Variants in TENM3 observed in about 807,000 individuals in gnomAD.
TENM3 encodes teneurin transmembrane protein 3.
In TENM3, 63 loss-of-function variants were observed where a neutral mutation model predicts 255.1. The observed-to-expected ratio is 0.25, with a 90% CI of 0.20 to 0.30. The LOEUF is 0.30. Ranked by LOEUF, TENM3 falls within the 10% of genes least tolerant of loss-of-function variation. TENM3 has a pLI of 1.00. For synonymous variants in TENM3, 1,306 were observed against 1,322.3 expected (o/e 0.99, Z 0.27); for missense variants, 2,929 against 3,461.1 (o/e 0.85, Z 3.86).
At chr4:182,442,438 G>A (rs1772558176) in intron 3 of TENM3, among the ~76,000 whole-genome samples, 1 of 152,132 alleles carries the variant, frequency 6.6e-6, no homozygotes, top group African/African-American at 2.4e-5. Context: ...CACGGCTATT[G>A]CCACTATAGA....
chr4:182,748,429 C>T (rs1376790521), intron 19 of TENM3, among the ~76,000 whole-genome samples: 1 of 152,114 alleles, frequency 6.6e-6, no homozygotes, highest in East Asian at 1.9e-4. Context: ...AGATTACTGA[C>T]CTAAAAATTC....
chr4:181,801,324 A>C, the TENM3 span, among the ~76,000 whole-genome samples: 4 of 152,118 alleles, frequency 2.6e-5, no homozygotes, highest in African/African-American at 9.7e-5. Flanking sequence ...AAACCAAGGA[A>C]GTCTATAGAT....
the TENM3 span, among the ~76,000 whole-genome samples, chr4:181,797,573 G>A: frequency 1.3e-5 from 2 of 152,070 alleles, no homozygotes; most frequent in Non-Finnish European, 2.9e-5. Context: ...TTGTCTATAA[G>A]CCGTGACTTT....
At chr4:182,498,603 C>G (rs956905963) in intron 3 of TENM3, among the ~76,000 whole-genome samples, 23 of 152,158 alleles carry the variant, frequency 1.5e-4, no homozygotes, top group Non-Finnish European at 2.8e-4. Context: ...CCTGTAATCC[C>G]AGCACTTTGT....
the TENM3 span, among the ~76,000 whole-genome samples, chr4:181,882,044 T>G: frequency 6.6e-6 from 1 of 152,136 alleles, no homozygotes; most frequent in Non-Finnish European, 1.5e-5. Context: ...AATACTCAAG[T>G]GTAATTTCAA....
At chr4:181,653,979 G>A in the TENM3 span, among the ~76,000 whole-genome samples, 1 of 151,752 alleles carries the variant, frequency 6.6e-6, no homozygotes, top group East Asian at 2.0e-4. Context: ...GTCCTTCTTT[G>A]GTTGGTGCCA....
intron 3 of TENM3, among the ~76,000 whole-genome samples, chr4:182,595,580 A>T (rs1023321681): frequency 2.6e-5 from 4 of 152,208 alleles, no homozygotes; most frequent in Non-Finnish European, 4.4e-5. Flanking sequence ...GAATAAAAAC[A>T]TGCAACTGTT....
intron 3 of TENM3, among the ~76,000 whole-genome samples, chr4:182,419,791 G>A (rs1314233759): frequency 1.3e-5 from 2 of 148,818 alleles, no homozygotes; most frequent in South Asian, 2.2e-4. Context: ...AACACCGCAT[G>A]TTCTCACTCA....
chr4:182,255,807 G>A (rs1289665575), intron 1 of TENM3, among the ~76,000 whole-genome samples: 2 of 152,142 alleles, frequency 1.3e-5, no homozygotes, highest in East Asian at 3.9e-4. Flanking sequence ...ATCCTTCATT[G>A]TTAACATTTT....
chr4:182,272,631 G>A (rs150440646), intron 1 of TENM3, among the ~76,000 whole-genome samples: 2 of 152,286 alleles, frequency 1.3e-5, no homozygotes, highest in Admixed American at 6.5e-5. Context: ...CGACACTCAA[G>A]TAATGGTTAC....
At chr4:182,161,155 G>T (rs1449296859) in intron 1 of TENM3, among the ~76,000 whole-genome samples, 1 of 144,884 alleles carries the variant, frequency 6.9e-6, no homozygotes, top group Non-Finnish European at 1.5e-5. Flanking sequence ...GGTGGCTCAC[G>T]CCTGTAATCC....
At chr4:181,810,003 T>C in the TENM3 span, among the ~76,000 whole-genome samples, 1 of 152,288 alleles carries the variant, frequency 6.6e-6, no homozygotes, top group East Asian at 1.9e-4. Context: ...ACATTTGTGT[T>C]GTTTTAAGTC....
At chr4:182,016,073 A>T in the TENM3 span, among the ~76,000 whole-genome samples, 2 of 152,214 alleles carry the variant, frequency 1.3e-5, no homozygotes, top group African/African-American at 4.8e-5. Flanking sequence ...GCGGTTAAAG[A>T]TTTGTCTCTG....
intron 1 of TENM3, among the ~76,000 whole-genome samples, chr4:182,323,108 G>T (rs1237067217): frequency 6.6e-6 from 1 of 152,042 alleles, no homozygotes; most frequent in Non-Finnish European, 1.5e-5. Flanking sequence ...GTCTTTTGCC[G>T]GCAGACCCTT....
the TENM3 span, among the ~76,000 whole-genome samples, chr4:182,053,635 A>C: frequency 0.019 from 2,848 of 152,218 alleles, 97 homozygotes; most frequent in African/African-American, 0.063. Flanking sequence ...GCAGCCCCTC[A>C]AGTGGGGAGG....
At chr4:182,634,707 T>TAAAA (rs11395245) in intron 5 of TENM3, among the ~76,000 whole-genome samples, 18 of 116,380 alleles carry the variant, frequency 1.5e-4, no homozygotes, top group South Asian at 6.3e-4. Flanking sequence ...ACTCTGAAAT[T>TAAAA]AAAAAAAAAA....
At chr4:182,355,176 C>T (rs1412489853) in intron 3 of TENM3, among the ~76,000 whole-genome samples, 3 of 152,060 alleles carry the variant, frequency 2.0e-5, no homozygotes, top group Non-Finnish European at 4.4e-5. Context: ...CAGCGTTGGA[C>T]CAGAGGCTTA....
chr4:181,570,860 G>A, the TENM3 span, among the ~76,000 whole-genome samples: 1 of 152,196 alleles, frequency 6.6e-6, no homozygotes, highest in Non-Finnish European at 1.5e-5. Context: ...AGAGAAGGTG[G>A]TGAAAGCGCT....
chr4:182,199,429 A>G lies in TENM3; in HGVS notation c.-76+54675A>G, dbSNP rs917896000. Among the ~76,000 whole-genome samples, 3 of 152,068 alleles carry G rather than the reference A, an allele frequency of 2.0e-5. No individual in the cohort carries two copies. In the East Asian group the frequency reaches 5.8e-4, roughly 29 times the overall value. On this transcript the variant is annotated intron_variant, in intron 1 of 2. Transcript: ENST00000512480. ...AGGGCCAGACTCCATCTCAAAAAACAAAAAAAAGAAGAAACATTGCCTATT... is the reference window on the plus strand; with the variant it reads ...AGGGCCAGACTCCATCTCAAAAAACGAAAAAAAGAAGAAACATTGCCTATT...
Sources: allele counts gnomAD v4.1 joint callset (sites outside exome capture counted in the v4.1 genomes callset), GRCh38; gene constraint gnomAD v4.1.1; transcripts MANE v1.5; gene names NCBI Gene and HGNC (gene_info 2026-07-23, HGNC 2026-07-21).